Variants in ZNF236 observed in about 807,000 individuals in gnomAD.
ZNF236 encodes zinc finger protein 236.
ZNF236 carries 50 observed loss-of-function variants against 191.2 expected under a neutral mutation model. The observed-to-expected ratio is 0.26, with a 90% confidence interval of 0.21 to 0.33. The LOEUF (loss-of-function observed/expected upper bound fraction) is 0.33. Ranked by LOEUF, ZNF236 falls within the 10% of genes least tolerant of loss-of-function variation. ZNF236 has a pLI of 1.00. For missense variants in ZNF236, 1,754 were observed against 2,374.5 expected, an observed-to-expected ratio of 0.74 and a Z score of 5.43; for synonymous variants, 907 against 928.8, an observed-to-expected ratio of 0.98 and a Z score of 0.43.
intron 7 of ZNF236, among the ~76,000 whole-genome samples, chr18:76,879,570 G>A (rs1187262161): frequency 2.0e-5 from 3 of 152,126 alleles, no homozygotes; most frequent in Middle Eastern, 3.2e-3. Flanking sequence ...CCTGCCATCC[G>A]TTTTCTTCTG....
At chr18:76,826,936 G>T (rs973122802) in intron 1 of ZNF236, among the ~76,000 whole-genome samples, 6 of 151,138 alleles carry the variant, frequency 4.0e-5, no homozygotes, top group African/African-American at 9.8e-5. Flanking sequence ...TTTGCTCGTT[G>T]CCCAGGCTGC....
intron 27 of ZNF236, among the ~76,000 whole-genome samples, chr18:76,955,736 G>A (rs952797934): frequency 6.6e-6 from 1 of 152,184 alleles, no homozygotes; most frequent in Non-Finnish European, 1.5e-5. Context: ...CACCTGGTCA[G>A]TGCGGCGCCA....
intron 3 of ZNF236, among the ~76,000 whole-genome samples, chr18:76,855,469 G>A (rs964379029): frequency 6.6e-6 from 1 of 152,092 alleles, no homozygotes; most frequent in African/African-American, 2.4e-5. Context: ...ACCCTTATTA[G>A]TCAACCCATA....
Position 76,927,086 on chromosome 18 carries a change from A to G in ZNF236, c.4077A>G (p.Leu1359=), listed in dbSNP as rs758023080. ...VSLTDGSLAT[L]EGIQLQLAAN... ...TGACAGATGGGAGCCTGGCTACCCT[A>G]GAAGGCATCCAGTTACAGTTGGCTG... Residue 1359 remains leucine (L), a synonymous_variant, in exon 23 of 31, where the codon CTA becomes CTG. Coordinates refer to ENST00000320610, the MANE Select transcript of ZNF236 (RefSeq NM_001306089.2). The surrounding 1 kb of genome is among the most constrained non-coding windows in gnomAD (Gnocchi z 5.4). 7 of 1,613,870 alleles carry G rather than the reference A, an allele frequency of 4.3e-6. No individual in the cohort carries two copies. In the East Asian group the frequency reaches 6.7e-5, roughly 15 times the overall value.
At chr18:76,900,817 C>CT (rs1310769947) in intron 11 of ZNF236, among the ~76,000 whole-genome samples, 17 of 152,178 alleles carry the variant, frequency 1.1e-4, no homozygotes, top group Non-Finnish European at 1.9e-4. Flanking sequence ...AGTTCCCAAC[C>CT]TTTTTGTCAT....
chr18:76,962,369 G>A (rs1420457894), intron 30 of ZNF236, among the ~76,000 whole-genome samples: 1 of 152,016 alleles, frequency 6.6e-6, no homozygotes, highest in Non-Finnish European at 1.5e-5. Flanking sequence ...TTGGCTATAA[G>A]TATTTGGGTT....
Position 76,872,490 on chromosome 18 carries a change from CAAATA to C in ZNF236, c.667+674_667+678del, listed in dbSNP as rs573536691. Among the ~76,000 whole-genome samples the C allele has an allele frequency of 4.1e-3, 620 of 152,234 alleles. 5 individuals carry two copies. Among genetic ancestry groups the C allele is most frequent in the African/African-American group, 0.014 (586 of 41,554 alleles). ...CTCTTAAAAATAATAAAATTAAAAA[CAAATA>C]AAATAAAAAACAAGGAAGCAGTGGA... On this transcript the variant is annotated intron_variant, in intron 5 of 30. Transcript: ENST00000320610.
Position 76,968,297 on chromosome 18 carries a change from G to C in ZNF236, c.5502G>C (p.Gln1834His). The C allele has an allele frequency of 6.2e-7, 1 of 1,610,746 alleles. No homozygotes were observed. The highest frequency in any genetic ancestry group is 8.5e-7 in the Non-Finnish European group (1 of 1,179,092). Residue 1834 changes from glutamine to histidine, a missense_variant, in exon 31 of 31, where the codon CAG becomes CAC. Coordinates refer to ENST00000320610, the MANE Select transcript of ZNF236 (RefSeq NM_001306089.2). ...SRTLHLEEVV[Q>H]EAAGEWQALT... Reference sequence around the variant, plus strand: ...CCCTCCACCTGGAGGAGGTGGTGCAGGAGGCCGCCGGCGAGTGGCAGGCCC... The same window carrying C: ...CCCTCCACCTGGAGGAGGTGGTGCACGAGGCCGCCGGCGAGTGGCAGGCCC...
intron 20 of ZNF236, among the ~76,000 whole-genome samples, chr18:76,922,378 C>T (rs59757730): frequency 1.3e-5 from 2 of 152,142 alleles, no homozygotes; most frequent in Non-Finnish European, 2.9e-5. Context: ...AATGATATCT[C>T]GTCGTTTTCA....
At position 76,899,038 on chromosome 18, in the gene ZNF236, T is replaced by C. The variant is rs761556322; in HGVS notation, c.1710T>C (p.Cys570=). The C allele has an allele frequency of 6.3e-5, 102 of 1,614,034 alleles. No individual in the cohort carries two copies. The highest frequency in any genetic ancestry group is 8.1e-5 in the Non-Finnish European group (95 of 1,179,982). ...TATTAGGAGTTAGACCTTTTGCTTG[T>C]CCTCACTGTGACAAAAAATTTCGAA... ...RLHTGVRPFA[C]PHCDKKFRTS... Residue 570 remains cysteine, a synonymous_variant, in exon 11 of 31, where the codon TGT becomes TGC. Transcript: ENST00000320610.
At chr18:76,828,838 T>C (rs558166898) in intron 1 of ZNF236, among the ~76,000 whole-genome samples, 1 of 152,266 alleles carries the variant, frequency 6.6e-6, no homozygotes, top group Non-Finnish European at 1.5e-5. Context: ...AGCTAATTTT[T>C]TGTATTTTAG....
chr18:76,839,550 A>G (rs1975422199), intron 1 of ZNF236, among the ~76,000 whole-genome samples: 1 of 152,152 alleles, frequency 6.6e-6, no homozygotes, highest in African/African-American at 2.4e-5. Context: ...AATCAGGCTG[A>G]GAGAGTTTAT....
chr18:76,895,862 C>T (rs907063855), intron 10 of ZNF236, among the ~76,000 whole-genome samples: 1 of 147,316 alleles, frequency 6.8e-6, no homozygotes, highest in African/African-American at 2.4e-5. Flanking sequence ...CAGTATCACA[C>T]ACAGGTATGG....
At chr18:76,941,914 C>G (rs572962762) in intron 26 of ZNF236, among the ~76,000 whole-genome samples, 6 of 152,236 alleles carry the variant, frequency 3.9e-5, no homozygotes, top group African/African-American at 1.4e-4. Flanking sequence ...TGAAAACTTG[C>G]AAAAACCAGA....
chr18:76,865,231 G>A (rs2122579283), intron 3 of ZNF236, among the ~76,000 whole-genome samples: 1 of 152,224 alleles, frequency 6.6e-6, no homozygotes, highest in Non-Finnish European at 1.5e-5. Context: ...CAGGTACTTG[G>A]GAGGCTGAGG....
At chr18:76,913,613 G>T (rs1300190843) in intron 17 of ZNF236, 134 bp from the exon 18 acceptor site, 10 of 870,628 alleles carry the variant, frequency 1.1e-5, no homozygotes. Flanking sequence ...GCACACCTAG[G>T]TTCTATAACA....
chr18:76,962,487 A>G (rs149326356), intron 30 of ZNF236, among the ~76,000 whole-genome samples: 3 of 152,196 alleles, frequency 2.0e-5, no homozygotes, highest in African/African-American at 7.2e-5. Flanking sequence ...AAATCAGGTA[A>G]TGTGATGCCT....
At chr18:76,838,117 G>C (rs1297725955) in intron 1 of ZNF236, among the ~76,000 whole-genome samples, 1 of 152,186 alleles carries the variant, frequency 6.6e-6, no homozygotes, top group African/African-American at 2.4e-5. Context: ...TTATCAGCTT[G>C]AAAATGCTTG....
intron 26 of ZNF236, among the ~76,000 whole-genome samples, chr18:76,942,953 C>T (rs1487916955): frequency 6.7e-6 from 1 of 149,848 alleles, no homozygotes; most frequent in Non-Finnish European, 1.5e-5. Flanking sequence ...GAAACCCCGT[C>T]TCTACTAAAA....
Sources: allele counts gnomAD v4.1 joint callset (sites outside exome capture counted in the v4.1 genomes callset), GRCh38; gene constraint gnomAD v4.1.1; non-coding constraint Gnocchi (gnomAD v3.1); transcripts MANE v1.5; gene names NCBI Gene and HGNC (gene_info 2026-07-23, HGNC 2026-07-21).